The following MCC variants were observed in gnomAD, a reference collection of about 807,000 sequenced individuals.
MCC encodes colorectal mutant cancer protein.
In MCC, 90 loss-of-function variants were observed where a neutral mutation model predicts 116.2. The ratio of observed to expected loss-of-function variants is 0.77; its 90% CI spans 0.65 to 0.92. The LOEUF is 0.92. MCC is among the 40% of genes least tolerant of loss of function. The probability of loss-of-function intolerance (pLI) is 0.00; values close to 1 mark genes in which losing one functional copy is unlikely to be tolerated. For synonymous variants in MCC, 578 were observed against 510.5 expected (o/e 1.13, Z -1.78); for missense variants, 1,516 against 1,312.2 (o/e 1.16, Z -2.40).
chr5:113,452,024 C>T (rs147459226), intron 1 of MCC, among the ~76,000 whole-genome samples: 49 of 152,276 alleles, frequency 3.2e-4, no homozygotes, highest in African/African-American at 1.1e-3. Flanking sequence ...AGGGCACTTC[C>T]GTTCTCCTCC....
intron 7 of MCC, 89 bp downstream of exon 7, chr5:113,104,103 T>G (rs1756589739): frequency 1.6e-6 from 2 of 1,273,906 alleles, no homozygotes; most frequent in African/African-American, 3.0e-5. Flanking sequence ...CCCTAGTAAG[T>G]ATTTAAGAAA....
In MCC at chr5:113,385,126, C is replaced by T. The variant is rs1769222765; in HGVS notation, c.257G>A (p.Gly86Glu). The T allele has an allele frequency of 1.9e-6, 3 of 1,614,148 alleles. No homozygotes were observed. Among genetic ancestry groups the T allele is most frequent in the Non-Finnish European group, 2.5e-6 (3 of 1,180,020 alleles). The change falls in exon 2 of 19, where the codon GGG becomes GAG. Residue 86 changes from glycine (G) to glutamate (E), a missense_variant. Transcript: ENST00000408903. ...IMNQLGADEN[G>E]KISFQDFTRC... ...TGTGAAATCCTGAAAGGAAATCTTC[C>T]CATTTTCATCTGCTCCCAACTGGTT...
chr5:113,140,931 G>A (rs75321319), intron 5 of MCC, among the ~76,000 whole-genome samples: 6,133 of 152,198 alleles, frequency 0.04, 416 homozygotes, highest in African/African-American at 0.14. Flanking sequence ...CAACTTGACT[G>A]GATTAAGGAA....
intron 14 of MCC, 113 bp downstream of exon 14, chr5:113,063,871 C>G (rs577536977): frequency 1.7e-6 from 2 of 1,160,916 alleles, no homozygotes; most frequent in African/African-American, 1.6e-5. Flanking sequence ...GAAGCCATGT[C>G]TGCCTTTTCC....
chr5:113,225,694 T>C (rs1251447568), intron 3 of MCC, among the ~76,000 whole-genome samples: 1 of 152,200 alleles, frequency 6.6e-6, no homozygotes, highest in African/African-American at 2.4e-5. Context: ...CCTCCTCTGT[T>C]CCTGGTTCAC....
chr5:113,468,245 T>A (rs1771972097), intron 1 of MCC, among the ~76,000 whole-genome samples: 1 of 152,182 alleles, frequency 6.6e-6, no homozygotes, highest in Non-Finnish European at 1.5e-5. Context: ...AGAGAGGGCA[T>A]CCCTGTCTTG....
At chr5:113,470,335 A>G (rs1772049714) in intron 1 of MCC, among the ~76,000 whole-genome samples, 1 of 151,782 alleles carries the variant, frequency 6.6e-6, no homozygotes, top group East Asian at 1.9e-4. Flanking sequence ...GTTCCTTTCC[A>G]TGTTTAGTGC....
chr5:113,029,037 T>C lies in MCC; in HGVS notation c.2776A>G (p.Arg926Gly). 6.2e-7 allele frequency: 1 copy of C among 1,613,222 alleles called. No individual in the cohort carries two copies. The highest frequency in any genetic ancestry group is 8.5e-7 in the Non-Finnish European group (1 of 1,179,564). The stretch of plus-strand genomic sequence containing the variant: ...AAGGCACTCACCAGCTCTTGAACTC[T>C]GGCCTTCAACTTCTTTTCTCTATAT... ...AIRREKKLKA[R>G]VQELVSALER... Residue 926 changes from arginine to glycine, a missense_variant, in exon 18 of 19, where the codon AGA becomes GGA. Coordinates refer to ENST00000408903, the MANE Select transcript of MCC (RefSeq NM_001085377.2).
chr5:113,107,208 C>CTTTTTTTTTTTTTTTTTTTTTTT (rs746820475), intron 6 of MCC, among the ~76,000 whole-genome samples: 4 of 125,072 alleles, frequency 3.2e-5, no homozygotes, highest in African/African-American at 3.5e-5. Context: ...GCATGTTTTT[C>CTTTTTTTTTTTTTTTTTTTTTTT]TTTTTTTTTT....
intron 1 of MCC, among the ~76,000 whole-genome samples, chr5:113,438,324 G>A (rs76849132): frequency 0.032 from 4,886 of 152,162 alleles, 107 homozygotes; most frequent in East Asian, 0.075. Context: ...TAGGAGCTGA[G>A]GCAATTAAGA....
intron 5 of MCC, among the ~76,000 whole-genome samples, chr5:113,138,853 G>A (rs1759006097): frequency 6.6e-6 from 1 of 152,174 alleles, no homozygotes; most frequent in South Asian, 2.1e-4. Context: ...AAAGTTTACT[G>A]TACTCACTTG....
At chr5:113,182,805 C>T (rs141013272) in intron 3 of MCC, among the ~76,000 whole-genome samples, 28 of 152,294 alleles carry the variant, frequency 1.8e-4, no homozygotes, top group African/African-American at 5.8e-4. Flanking sequence ...TCAATGCATG[C>T]GCATCCAATG....
At chr5:113,194,678 G>T (rs577935631) in intron 3 of MCC, among the ~76,000 whole-genome samples, 3 of 151,892 alleles carry the variant, frequency 2.0e-5, no homozygotes, top group African/African-American at 7.2e-5. Context: ...AGAAGAAAGA[G>T]GAAGAAAAAG....
intron 3 of MCC, among the ~76,000 whole-genome samples, chr5:113,223,219 G>T (rs1037004821): frequency 2.6e-5 from 4 of 152,182 alleles, no homozygotes; most frequent in Non-Finnish European, 2.9e-5. Context: ...CTAGGGCAGG[G>T]CAATGAGAGC....
At chr5:113,106,088 C>T (rs971497242) in intron 6 of MCC, among the ~76,000 whole-genome samples, 1 of 152,140 alleles carries the variant, frequency 6.6e-6, no homozygotes, top group East Asian at 1.9e-4. Flanking sequence ...CTGATCTTGC[C>T]TCACCCATCC....
At chr5:113,088,575 G>C (rs1188112441) in intron 8 of MCC, among the ~76,000 whole-genome samples, 1 of 151,846 alleles carries the variant, frequency 6.6e-6, no homozygotes, top group Non-Finnish European at 1.5e-5. Flanking sequence ...TAACAGAAAA[G>C]GAAGGGATAT....
At chr5:113,257,925 T>C (rs1447966374) in intron 3 of MCC, among the ~76,000 whole-genome samples, 2 of 152,070 alleles carry the variant, frequency 1.3e-5, no homozygotes, top group African/African-American at 4.8e-5. Context: ...GATGGATAGA[T>C]GGTAGCAGTG....
At chr5:113,054,602 T>C (rs1189267306) in intron 14 of MCC, among the ~76,000 whole-genome samples, 1 of 152,144 alleles carries the variant, frequency 6.6e-6, no homozygotes, top group Non-Finnish European at 1.5e-5. Context: ...CTTCTGTTGT[T>C]TGCAACATGT....
chr5:113,211,534 T>A (rs898726397), intron 3 of MCC, among the ~76,000 whole-genome samples: 1 of 152,036 alleles, frequency 6.6e-6, no homozygotes, highest in Non-Finnish European at 1.5e-5. Context: ...GCTTGGGGGG[T>A]TCTTGTTGCC....
Sources: allele counts gnomAD v4.1 joint callset (sites outside exome capture counted in the v4.1 genomes callset), GRCh38; gene constraint gnomAD v4.1.1; transcripts MANE v1.5; gene names NCBI Gene and HGNC (gene_info 2026-07-23, HGNC 2026-07-21).